The following CELF1 variants were observed in gnomAD, a reference collection of about 807,000 sequenced individuals.
CELF1 encodes the protein 50 kDa nuclear polyadenylated RNA-binding protein.
In CELF1, 10 loss-of-function variants were observed where a neutral mutation model predicts 61.8. The observed-to-expected ratio is 0.16, with a 90% confidence interval of 0.10 to 0.27. The LOEUF (loss-of-function observed/expected upper bound fraction) is 0.27, where lower values mean the gene tolerates loss of function less well. Ranked by LOEUF, CELF1 falls within the 10% of genes least tolerant of loss-of-function variation. The pLI is 1.00. For missense variants in CELF1, 380 were observed against 639.1 expected, an observed-to-expected ratio of 0.59 and a Z score of 4.37; for synonymous variants, 236 against 225.1, an observed-to-expected ratio of 1.05 and a Z score of -0.43.
intron 13 of CELF1, among the ~76,000 whole-genome samples, chr11:47,473,973 C>G (rs1383923746): frequency 6.6e-6 from 1 of 151,848 alleles, no homozygotes; most frequent in East Asian, 1.9e-4. Context: ...GTGGCGTGAA[C>G]TCAGGTCACT....
intron 2 of CELF1, among the ~76,000 whole-genome samples, chr11:47,563,989 G>A (rs1272569709): frequency 6.7e-6 from 1 of 149,916 alleles, no homozygotes; most frequent in Admixed American, 6.7e-5. Flanking sequence ...TGGGTGACAA[G>A]AGTGAAACTC....
rs1407661477 is a variant in CELF1 at position 47,506,361 on chromosome 11, AGG to A, written c.-153-5431_-153-5430del. Among the ~76,000 whole-genome samples the A allele has an allele frequency of 1.6e-3, 230 of 142,352 alleles. 4 individuals are homozygous for A. The highest frequency in any genetic ancestry group is 7.5e-3 in the Middle Eastern group (2 of 266). The allele number at this position is 142,352 out of a possible 152,430, so 93.4% of individuals were successfully genotyped here. A position where few individuals can be genotyped will look rare whatever the true frequency, so the allele number is the denominator to read the frequency against. On this transcript the variant is annotated intron_variant, in intron 1 of 14. Transcript: ENST00000687097. ...AGAATTGCTTGAACCCGGGAGGCGG[AGG>A]GGTTGCAGTGAGCCAAGATCGCGCC...
chr11:47,535,523 A>T (rs1159238688), intron 1 of CELF1, among the ~76,000 whole-genome samples: 1 of 151,636 alleles, frequency 6.6e-6, no homozygotes, highest in Non-Finnish European at 1.5e-5. Flanking sequence ...TACTAAAAAT[A>T]GAAAATTAGC....
chr11:47,557,916 T>A (rs1196043467), upstream of CELF1: 3 of 152,136 alleles, frequency 2.0e-5, no homozygotes, highest in African/African-American at 7.2e-5. Context: ...AGTGCAATGA[T>A]GCAATATCGG....
At chr11:47,546,236 C>CTCT (rs2096942984) in intron 1 of CELF1, among the ~76,000 whole-genome samples, 1 of 79,200 alleles carries the variant, frequency 1.3e-5, no homozygotes, top group African/African-American at 5.1e-5. Context: ...CTCTCAGTAT[C>CTCT]TTTTTTTTTT....
rs562895983 is a variant in CELF1, at chr11:47,558,638, T to G, written c.-11+5713A>C. On this transcript the variant is annotated intron_variant, in intron 2 of 3. Transcript: ENST00000525841. ...GTGCAATATAATATATAATATAATG[T>G]GTAATATATTAGATATAATATATTA... Among the ~76,000 whole-genome samples the G allele has an allele frequency of 6.4e-3, 683 of 107,152 alleles. 13 individuals are homozygous for G. The highest frequency in any genetic ancestry group is 0.026 in the African/African-American group (638 of 24,076). The allele number at this position is 107,152 out of a possible 152,430, so 70.3% of individuals were successfully genotyped here.
At chr11:47,489,987 G>T in intron 3 of CELF1, among the ~76,000 whole-genome samples, 1 of 95,100 alleles carries the variant, frequency 1.1e-5, no homozygotes. Context: ...TGCCCAGGCT[G>T]GAGTGTAATG....
intron 9 of CELF1, among the ~76,000 whole-genome samples, chr11:47,479,944 C>T (rs898748062): frequency 6.6e-6 from 1 of 152,032 alleles, no homozygotes; most frequent in African/African-American, 2.4e-5. Flanking sequence ...ACACCCTTTC[C>T]CCCCGCTTCT....
At chr11:47,532,525 G>A (rs1454871724) in intron 1 of CELF1, among the ~76,000 whole-genome samples, 1 of 152,178 alleles carries the variant, frequency 6.6e-6, no homozygotes, top group Non-Finnish European at 1.5e-5. Flanking sequence ...AAGTTTCTCT[G>A]CATAACTTTT....
At chr11:47,474,723 T>G (rs1287127365) in intron 13 of CELF1, among the ~76,000 whole-genome samples, 1 of 152,228 alleles carries the variant, frequency 6.6e-6, no homozygotes, top group Non-Finnish European at 1.5e-5. Flanking sequence ...AAAAACCCAG[T>G]CAAATCTGAG....
At chr11:47,504,643 T>C (rs1246176225) in intron 1 of CELF1, among the ~76,000 whole-genome samples, 1 of 143,284 alleles carries the variant, frequency 7.0e-6, no homozygotes, top group African/African-American at 2.5e-5. Flanking sequence ...GCTCACCGCC[T>C]CTAATCCCAG....
intron 1 of CELF1, among the ~76,000 whole-genome samples, chr11:47,535,468 C>G (rs1268489783): frequency 1.3e-5 from 2 of 151,922 alleles, no homozygotes; most frequent in African/African-American, 4.8e-5. Flanking sequence ...CAGTTGAGTT[C>G]AGGAGTTCGA....
chr11:47,466,374 C>T lies in CELF1; in HGVS notation c.*5856G>A, dbSNP rs566215535. On this transcript the variant is annotated 3_prime_UTR_variant, in exon 15 of 15. Transcript: ENST00000687097. ...AATCACGACTGAGTTGATTGAATCC[C>T]GTTGTTGCTGCAGAACAGACTGTGC... 2 of 152,140 alleles carry T rather than the reference C, an allele frequency of 1.3e-5. No homozygotes were observed. Among genetic ancestry groups the T allele is most frequent in the African/African-American group, 2.4e-5 (1 of 41,420 alleles). The allele number at this position is 152,140 out of a possible 1,614,324, so 9.4% of individuals were successfully genotyped here.
intron 1 of CELF1, among the ~76,000 whole-genome samples, chr11:47,532,731 T>C (rs1408916132): frequency 6.6e-6 from 1 of 152,132 alleles, no homozygotes; most frequent in Non-Finnish European, 1.5e-5. Flanking sequence ...ATCTCTGAAG[T>C]TTCTAGCATT....
In CELF1 at chr11:47,561,142, A is replaced by AC. The variant is rs537943780; in HGVS notation, c.-11+3208_-11+3209insG. On this transcript the variant is annotated intron_variant, in intron 2 of 3. Transcript: ENST00000525841. ...AACAGAGTGAGACTCTGTCTCAAAAAAAAAAAAAAAAAGTGTATTTCGCTG... is the reference window on the plus strand; with the variant it reads ...AACAGAGTGAGACTCTGTCTCAAAAACAAAAAAAAAAAAGTGTATTTCGCTG... 1.2e-3 allele frequency among the ~76,000 whole-genome samples: 175 copies of AC among 147,778 alleles called. 1 individual carries two copies. Among genetic ancestry groups the AC allele is most frequent in the South Asian group, 3.9e-3 (18 of 4,628 alleles).
intron 4 of CELF1, among the ~76,000 whole-genome samples, 195 bp from the exon 5 acceptor site, chr11:47,487,436 G>A (rs2088141328): frequency 6.6e-6 from 1 of 152,140 alleles, no homozygotes. Flanking sequence ...ACACTTTATT[G>A]TTTTAGTCTC....
At position 47,468,225 on chromosome 11, in the gene CELF1, A is replaced by C. The variant is rs2077000764; in HGVS notation, c.*4005T>G. On this transcript the variant is annotated 3_prime_UTR_variant, in exon 15 of 15. Transcript: ENST00000687097. ...AGGGAAGAACCACAAAAGAAAAAGA[A>C]AAAGAAAAAGGGCTGGCTGGGGCCC... 6.6e-6 allele frequency: 1 copy of C among 152,160 alleles called. No homozygotes were observed. The highest frequency in any genetic ancestry group is 6.5e-5 in the Admixed American group (1 of 15,284). The allele number at this position is 152,160 out of a possible 1,614,324, so 9.4% of individuals were successfully genotyped here.
chr11:47,480,089 C>CTTTTTT (rs972385893), intron 9 of CELF1, among the ~76,000 whole-genome samples: 1 of 139,164 alleles, frequency 7.2e-6, no homozygotes, highest in African/African-American at 2.7e-5. Context: ...CACGTCTACA[C>CTTTTTT]TTTTTTTTTT....
intron 1 of CELF1, among the ~76,000 whole-genome samples, chr11:47,530,746 G>T (rs1372483911): frequency 6.6e-6 from 1 of 151,868 alleles, no homozygotes; most frequent in Non-Finnish European, 1.5e-5. Flanking sequence ...CTTGAGACCA[G>T]GAGTTTAAGA....
Sources: allele counts gnomAD v4.1 joint callset (sites outside exome capture counted in the v4.1 genomes callset), GRCh38; gene constraint gnomAD v4.1.1; transcripts MANE v1.5; gene names NCBI Gene and HGNC (gene_info 2026-07-23, HGNC 2026-07-21).